Variants in ZC3H12B observed in about 807,000 individuals in gnomAD.
The protein encoded by ZC3H12B is probable ribonuclease ZC3H12B.
ZC3H12B carries 7 observed loss-of-function variants against 43.9 expected under a neutral mutation model. The ratio of observed to expected loss-of-function variants is 0.16; its 90% CI spans 0.09 to 0.30. ZC3H12B has a LOEUF of 0.30. ZC3H12B is among the 10% of genes least tolerant of loss of function. ZC3H12B has a pLI of 1.00. For synonymous variants in ZC3H12B, 222 were observed against 241.7 expected (o/e 0.92, Z 0.76); for missense variants, 475 against 670.2 (o/e 0.71, Z 3.22).
the ZC3H12B span, among the ~76,000 whole-genome samples, chrX:65,179,403 A>T: frequency 1.1e-5 from 1 of 92,209 alleles, no homozygotes; most frequent in African/African-American, 7.5e-5. Context: ...ACTTAAAGTT[A>T]TTTAAAAAAA....
At chrX:65,219,866 A>T in the ZC3H12B span, among the ~76,000 whole-genome samples, 2 of 108,200 alleles carry the variant, frequency 1.8e-5, no homozygotes, top group African/African-American at 3.4e-5. Flanking sequence ...CACCTGGGAA[A>T]TTTTTTGCAA....
chrX:65,443,666 T>C (rs1484891545), intron 3 of ZC3H12B, among the ~76,000 whole-genome samples: 1 of 112,857 alleles, frequency 8.9e-6, no homozygotes, highest in Non-Finnish European at 1.9e-5. Flanking sequence ...GGTTTAAGAA[T>C]GCCTTTAAGC....
the ZC3H12B span, among the ~76,000 whole-genome samples, chrX:65,262,527 AG>A: frequency 1.8e-5 from 2 of 111,646 alleles, no homozygotes; most frequent in African/African-American, 6.5e-5. Flanking sequence ...TATCGTGGTA[AG>A]GATAAAAACA....
At chrX:65,149,323 A>T in the ZC3H12B span, among the ~76,000 whole-genome samples, 7 of 111,972 alleles carry the variant, frequency 6.3e-5, no homozygotes, top group Non-Finnish European at 1.3e-4. Context: ...TGTGAACTTG[A>T]GTTACTTGAT....
At chrX:65,066,835 G>T in the ZC3H12B span, among the ~76,000 whole-genome samples, 1 of 111,920 alleles carries the variant, frequency 8.9e-6, no homozygotes, top group South Asian at 3.7e-4. Flanking sequence ...GAGATGACTT[G>T]CCCCGTGTGT....
chrX:65,166,893 G>T, the ZC3H12B span, among the ~76,000 whole-genome samples: 1 of 107,950 alleles, frequency 9.3e-6, no homozygotes, highest in African/African-American at 3.7e-5. Flanking sequence ...GCAGTTATTT[G>T]ATTTTTTCTT....
chrX:65,426,110 G>A (rs1395575691), intron 3 of ZC3H12B, among the ~76,000 whole-genome samples: 8 of 106,802 alleles, frequency 7.5e-5, no homozygotes, highest in East Asian at 2.9e-4. Context: ...TTTCTTGATA[G>A]GATATTTATT....
the ZC3H12B span, among the ~76,000 whole-genome samples, chrX:65,073,761 A>G: frequency 8.9e-6 from 1 of 111,903 alleles, no homozygotes. Context: ...GAATTCCAGA[A>G]GCCCATTGTA....
At position 65,375,488 on chromosome X, in the gene ZC3H12B, G is replaced by A. The variant is rs191384058; in HGVS notation, n.295+6490G>A. Among the ~76,000 whole-genome samples, 448 of 112,062 alleles carry A rather than the reference G, an allele frequency of 4.0e-3. 3 individuals carry two copies. Among genetic ancestry groups the A allele is most frequent in the Non-Finnish European group, 7.0e-3 (373 of 53,225 alleles). Reference sequence around the variant, plus strand: ...TGGCTAAGGGAGCACATGCCACATCGCGCCCAACCCTTGACAGCACAGCTC... The same window carrying A: ...TGGCTAAGGGAGCACATGCCACATCACGCCCAACCCTTGACAGCACAGCTC... On this transcript the variant is annotated intron_variant and non_coding_transcript_variant, in intron 2 of 5. Transcript: ENST00000617377.
At chrX:65,499,327 C>T in intron 3 of ZC3H12B, 94 bp downstream of exon 8, 1 of 706,323 alleles carries the variant, frequency 1.4e-6, no homozygotes, top group South Asian at 2.9e-5. Flanking sequence ...GTGTATCATA[C>T]ATTTTGCTAG....
the ZC3H12B span, among the ~76,000 whole-genome samples, chrX:65,300,806 C>A: frequency 9.0e-6 from 1 of 110,937 alleles, no homozygotes; most frequent in Non-Finnish European, 1.9e-5. Context: ...AGAACCATAC[C>A]CTCACAGAGT....
At chrX:65,440,638 A>T (rs1301223368) in intron 3 of ZC3H12B, among the ~76,000 whole-genome samples, 1 of 112,313 alleles carries the variant, frequency 8.9e-6, no homozygotes, top group African/African-American at 3.2e-5. Flanking sequence ...AGCCAAAGGG[A>T]TAGTAAAGAA....
At chrX:65,378,862 A>G (rs761717345) in intron 2 of ZC3H12B, among the ~76,000 whole-genome samples, 1 of 112,359 alleles carries the variant, frequency 8.9e-6, no homozygotes, top group South Asian at 3.7e-4. Flanking sequence ...CACCTGGAAA[A>G]TCGGGTCACT....
the ZC3H12B span, among the ~76,000 whole-genome samples, chrX:65,359,409 T>C: frequency 1.6e-4 from 18 of 112,116 alleles, no homozygotes; most frequent in Admixed American, 1.5e-3. Flanking sequence ...ATTAAAAACC[T>C]TCTGGAAGTG....
At chrX:65,389,426 T>G (rs1159222591) in intron 2 of ZC3H12B, among the ~76,000 whole-genome samples, 1 of 112,461 alleles carries the variant, frequency 8.9e-6, no homozygotes, top group East Asian at 2.8e-4. Flanking sequence ...GGCGTAGGAC[T>G]CTCCAAGCCA....
At chrX:65,373,920 T>C (rs1319410693) in intron 2 of ZC3H12B, among the ~76,000 whole-genome samples, 4 of 61,772 alleles carry the variant, frequency 6.5e-5, no homozygotes, top group African/African-American at 3.8e-4. Context: ...TATATATATA[T>C]ACTATATATA....
the ZC3H12B span, among the ~76,000 whole-genome samples, chrX:65,250,696 A>G: frequency 1.5e-4 from 17 of 112,127 alleles, no homozygotes; most frequent in Non-Finnish European, 2.4e-4. Context: ...AGTGATGATG[A>G]GCATTTTTTC....
chrX:65,034,894 G>T, the ZC3H12B span, among the ~76,000 whole-genome samples: 3 of 112,880 alleles, frequency 2.7e-5, no homozygotes, highest in African/African-American at 9.6e-5. Flanking sequence ...AGCCGCCGCT[G>T]CTCTGTGGCC....
intron 2 of ZC3H12B, among the ~76,000 whole-genome samples, chrX:65,497,511 G>A (rs2068305788): frequency 8.9e-6 from 1 of 112,504 alleles, no homozygotes; most frequent in South Asian, 3.6e-4. Flanking sequence ...CAAAAAAAAG[G>A]AGTGCTTTTC....
Sources: gnomAD v4.1 joint callset for allele counts (sites outside exome capture counted in the v4.1 genomes callset) on GRCh38, gnomAD v4.1.1 for gene constraint, MANE v1.5 for transcripts, NCBI Gene and HGNC (gene_info 2026-07-23, HGNC 2026-07-21) for gene names.